Variants in GPHN observed in about 807,000 individuals in gnomAD.
The protein encoded by GPHN is gephyrin.
GPHN carries 17 observed loss-of-function variants against 95.5 expected under a neutral mutation model. That is an observed-to-expected ratio of 0.18 (90% confidence interval 0.12 to 0.27). The LOEUF (loss-of-function observed/expected upper bound fraction) is 0.27, where lower values mean the gene tolerates loss of function less well. Among genes scored for constraint, GPHN ranks in the 10% least tolerant of loss-of-function variants. The probability of loss-of-function intolerance (pLI) is 1.00; values close to 1 mark genes in which losing one functional copy is unlikely to be tolerated. For missense variants in GPHN, 660 were observed against 978.1 expected (o/e 0.67, Z 4.34); for synonymous variants, 320 against 322.5 (o/e 0.99, Z 0.08).
chr14:66,875,888 C>T (rs1401394721), intron 4 of GPHN, among the ~76,000 whole-genome samples: 6 of 152,136 alleles, frequency 3.9e-5, no homozygotes, highest in African/African-American at 1.4e-4. Flanking sequence ...ACACTCAGCT[C>T]TGGACCAAGC....
At chr14:66,570,100 A>G (rs912347582) in intron 1 of GPHN, among the ~76,000 whole-genome samples, 1 of 151,920 alleles carries the variant, frequency 6.6e-6, no homozygotes, top group Non-Finnish European at 1.5e-5. Context: ...TGAGGATATT[A>G]TGTTGTGAAG....
At chr14:66,565,350 AGT>A (rs1230891551) in intron 1 of GPHN, among the ~76,000 whole-genome samples, 1 of 151,996 alleles carries the variant, frequency 6.6e-6, no homozygotes, top group Non-Finnish European at 1.5e-5. Context: ...AGGCCGCAGC[AGT>A]GTATGGCTGG....
intron 17 of GPHN, among the ~76,000 whole-genome samples, chr14:67,124,230 A>AC (rs1409744494): frequency 6.6e-6 from 1 of 151,864 alleles, no homozygotes. Flanking sequence ...ACATGGTGAA[A>AC]CCCTGTCTCT....
chr14:67,259,098 T>C, the GPHN span, among the ~76,000 whole-genome samples: 3 of 150,808 alleles, frequency 2.0e-5, no homozygotes, highest in African/African-American at 2.4e-5. Flanking sequence ...CTGCCTCGGC[T>C]TCCCAAAGTG....
At chr14:67,251,900 G>T in the GPHN span, among the ~76,000 whole-genome samples, 3 of 152,122 alleles carry the variant, frequency 2.0e-5, no homozygotes, top group East Asian at 1.9e-4. Context: ...GGCAAAGAGG[G>T]GCTAGAGATA....
chr14:67,395,235 G>A, the GPHN span, among the ~76,000 whole-genome samples: 2 of 152,238 alleles, frequency 1.3e-5, no homozygotes, highest in African/African-American at 2.4e-5. Flanking sequence ...CTCCCAAGCA[G>A]AGAAAATAAT....
the GPHN span, among the ~76,000 whole-genome samples, chr14:67,402,847 A>G: frequency 1.9e-4 from 29 of 152,274 alleles, no homozygotes; most frequent in East Asian, 4.8e-3. Context: ...GTTGCTTCCA[A>G]TCTTGGCTAT....
the GPHN span, among the ~76,000 whole-genome samples, chr14:67,296,585 C>CAAAAAAAAAAAA: frequency 5.9e-5 from 3 of 51,000 alleles, 1 homozygote; most frequent in Non-Finnish European, 1.3e-4. Context: ...AACTCTGTCT[C>CAAAAAAAAAAAA]AAAAAAAAAA....
chr14:67,531,547 A>C, the GPHN span, among the ~76,000 whole-genome samples: 1 of 151,948 alleles, frequency 6.6e-6, no homozygotes, highest in African/African-American at 2.4e-5. Flanking sequence ...GTAACCAGCT[A>C]TAGGGGAGAG....
At chr14:66,895,559 TA>T in intron 5 of GPHN, among the ~76,000 whole-genome samples, 1 of 152,288 alleles carries the variant, frequency 6.6e-6, no homozygotes, top group East Asian at 1.9e-4. Context: ...ATTTTTGAAG[TA>T]AAATGATTTA....
chr14:67,614,374 G>A, the GPHN span, among the ~76,000 whole-genome samples: 6 of 152,158 alleles, frequency 3.9e-5, no homozygotes, highest in Non-Finnish European at 4.4e-5. Flanking sequence ...AGTTCCCTTG[G>A]ATTTGCAGTA....
At chr14:67,112,946 T>TA (rs1176354152) in intron 15 of GPHN, 72 bp from the exon 16 acceptor site, 4 of 1,427,036 alleles carry the variant, frequency 2.8e-6, no homozygotes, top group Non-Finnish European at 4.0e-6. Context: ...TTTTTGACAC[T>TA]AAAGTTTCCC....
chr14:67,263,691 T>C, the GPHN span, among the ~76,000 whole-genome samples: 1 of 152,342 alleles, frequency 6.6e-6, no homozygotes, highest in East Asian at 1.9e-4. Context: ...CTCTCCCTAC[T>C]TGTTTTTCTC....
At chr14:66,662,535 G>T (rs774075311) in intron 1 of GPHN, among the ~76,000 whole-genome samples, 2 of 152,082 alleles carry the variant, frequency 1.3e-5, no homozygotes, top group African/African-American at 4.8e-5. Context: ...GCACAAGAAC[G>T]CTGAAAACTC....
chr14:67,032,698 C>A (rs1334128379), intron 10 of GPHN, among the ~76,000 whole-genome samples: 1 of 152,018 alleles, frequency 6.6e-6, no homozygotes, highest in Non-Finnish European at 1.5e-5. Flanking sequence ...ATACACAGAC[C>A]CAGAGAAGTC....
chr14:67,445,557 C>CT, the GPHN span, among the ~76,000 whole-genome samples: 1 of 132,648 alleles, frequency 7.5e-6, no homozygotes, highest in Admixed American at 7.9e-5. Context: ...CAGCCTCAAC[C>CT]TGGTTTAAGA....
the GPHN span, chr14:67,589,345 A>G: frequency 1.0e-6 from 1 of 980,104 alleles, no homozygotes; most frequent in Non-Finnish European, 1.2e-6. Context: ...TGTTAACATG[A>G]GAGTCCCATG....
At position 66,968,841 on chromosome 14, in the gene GPHN, A is replaced by G. The variant is rs1384034399; in HGVS notation, c.963+3516A>G. ...AGACAACTAAAAATTAAAATAAAGC[A>G]TAATAAATTCTAGAATTGATTATCA... is the stretch of plus-strand genomic sequence containing the variant. On this transcript the variant is annotated intron_variant, in intron 9 of 22. Coordinates refer to ENST00000478722, the MANE Select transcript of GPHN (RefSeq NM_020806.5). Among the ~76,000 whole-genome samples, 12 of 149,962 alleles carry G rather than the reference A, an allele frequency of 8.0e-5. No individual in the cohort carries two copies. In the South Asian group the frequency reaches 2.3e-3, roughly 29 times the overall value.
chr14:66,538,656 A>T (rs915799425), intron 1 of GPHN, among the ~76,000 whole-genome samples: 2 of 148,926 alleles, frequency 1.3e-5, no homozygotes, highest in Non-Finnish European at 3.0e-5. Flanking sequence ...AATTTTATTC[A>T]TTTTTTTTCC....
Sources: gnomAD v4.1 joint callset for allele counts (sites outside exome capture counted in the v4.1 genomes callset) on GRCh38, gnomAD v4.1.1 for gene constraint, MANE v1.5 for transcripts, NCBI Gene and HGNC (gene_info 2026-07-23, HGNC 2026-07-21) for gene names.